INPP4B: variants seen among roughly 807,000 people sequenced by gnomAD.
The protein encoded by INPP4B is inositol polyphosphate-4-phosphatase type II B.
INPP4B carries 55 observed loss-of-function variants against 122.5 expected under a neutral mutation model. That is an observed-to-expected ratio of 0.45 (90% CI 0.36 to 0.56). INPP4B has a LOEUF of 0.56. Ranked by LOEUF, INPP4B falls within the 20% of genes least tolerant of loss-of-function variation. INPP4B has a pLI of 0.00. For synonymous variants in INPP4B, 403 were observed against 388.7 expected (o/e 1.04, Z -0.43); for missense variants, 1,000 against 1,097.7 (o/e 0.91, Z 1.26).
chr4:142,355,974 C>T (rs1033395250), intron 7 of INPP4B, among the ~76,000 whole-genome samples: 1 of 151,180 alleles, frequency 6.6e-6, no homozygotes, highest in African/African-American at 2.4e-5. Context: ...TTTTAAAATG[C>T]CACATACTCC....
rs150990087 is a variant in INPP4B, at chr4:142,247,581, T to C, written c.689-9570A>G. Among the ~76,000 whole-genome samples, 53 of 152,178 alleles carry C rather than the reference T, an allele frequency of 3.5e-4. 2 individuals carry two copies. Among genetic ancestry groups the C allele is most frequent in the African/African-American group, 1.2e-3 (48 of 41,532 alleles). ...TAGATCTTCTAGTTTATTTGCATAG[T>C]GGTATTTACAGTATTCTCTGATGGT... On this transcript the variant is annotated intron_variant, in intron 11 of 25. Coordinates refer to ENST00000262992, the MANE Select transcript of INPP4B (RefSeq NM_001101669.3).
intron 1 of INPP4B, among the ~76,000 whole-genome samples, chr4:142,790,042 A>G (rs1351343609): frequency 6.6e-6 from 1 of 152,166 alleles, no homozygotes; most frequent in Admixed American, 6.6e-5. Flanking sequence ...AGGAGAATGA[A>G]ACTGGATCCT....
At chr4:142,632,113 T>A (rs74756919) in intron 2 of INPP4B, among the ~76,000 whole-genome samples, 2 of 152,164 alleles carry the variant, frequency 1.3e-5, no homozygotes, top group African/African-American at 2.4e-5. Flanking sequence ...AGGTTTGACA[T>A]GTTCTTACAC....
At chr4:142,348,752 T>C (rs1029381268) in intron 7 of INPP4B, among the ~76,000 whole-genome samples, 2 of 152,008 alleles carry the variant, frequency 1.3e-5, no homozygotes, top group African/African-American at 4.8e-5. Flanking sequence ...GAAGAGTCCT[T>C]CCCTCTATAG....
chr4:142,565,342 C>T (rs1580381637), intron 2 of INPP4B, among the ~76,000 whole-genome samples: 1 of 152,094 alleles, frequency 6.6e-6, no homozygotes, highest in Admixed American at 6.6e-5. Context: ...GACAAAGTAG[C>T]CAACTTGATT....
At chr4:142,309,717 C>T (rs1764751830) in intron 8 of INPP4B, among the ~76,000 whole-genome samples, 2 of 152,200 alleles carry the variant, frequency 1.3e-5, no homozygotes, top group South Asian at 4.1e-4. Flanking sequence ...CAGCTCTAGC[C>T]TTTCTTGCCT....
intron 15 of INPP4B, among the ~76,000 whole-genome samples, chr4:142,178,118 C>A (rs755109885): frequency 2.0e-5 from 3 of 152,196 alleles, no homozygotes; most frequent in Non-Finnish European, 4.4e-5. Flanking sequence ...CCGAGATCTG[C>A]TCCCCACTTT....
At chr4:142,631,521 T>C (rs746432257) in intron 2 of INPP4B, among the ~76,000 whole-genome samples, 1 of 152,074 alleles carries the variant, frequency 6.6e-6, no homozygotes, top group Non-Finnish European at 1.5e-5. Context: ...AATTGCATTA[T>C]TGGAAACAAT....
At chr4:142,831,928 GCTA>G (rs997178884) in intron 1 of INPP4B, among the ~76,000 whole-genome samples, 9 of 152,120 alleles carry the variant, frequency 5.9e-5, no homozygotes, top group Non-Finnish European at 1.3e-4. Context: ...ACTGTAAGTA[GCTA>G]TGGTACAAAT....
rs2148579808 is a variant in INPP4B at position 142,363,341 on chromosome 4, A to G, written c.372+39597T>C. On this transcript the variant is annotated intron_variant, in intron 7 of 25. Coordinates refer to ENST00000262992, the MANE Select transcript of INPP4B (RefSeq NM_001101669.3). Reference sequence around the variant, plus strand: ...CACAAAAAGGGGCATATAAACAAATATATATATATATGTGTGTGTGTATAC... The same window carrying G: ...CACAAAAAGGGGCATATAAACAAATGTATATATATATGTGTGTGTGTATAC... Among the ~76,000 whole-genome samples, 3 of 151,590 alleles carry G rather than the reference A, an allele frequency of 2.0e-5. No homozygotes were observed. The Middle Eastern group carries it at 0.01, about 516-fold the overall frequency.
At chr4:142,250,013 T>C (rs557634969) in intron 11 of INPP4B, among the ~76,000 whole-genome samples, 3 of 152,346 alleles carry the variant, frequency 2.0e-5, no homozygotes, top group Non-Finnish European at 2.9e-5. Context: ...AACAACTTAA[T>C]TTTATGAGTT....
intron 1 of INPP4B, among the ~76,000 whole-genome samples, chr4:142,802,409 T>A (rs757920972): frequency 1.3e-5 from 2 of 152,168 alleles, no homozygotes; most frequent in Non-Finnish European, 2.9e-5. Context: ...CATGTTGATA[T>A]TTTGGTGCTA....
At chr4:142,146,746 C>T (rs1202145981) in intron 17 of INPP4B, among the ~76,000 whole-genome samples, 1 of 152,138 alleles carries the variant, frequency 6.6e-6, no homozygotes, top group Non-Finnish European at 1.5e-5. Flanking sequence ...GAAATTTTGA[C>T]AAATTGCTCA....
intron 1 of INPP4B, among the ~76,000 whole-genome samples, chr4:142,762,623 C>T (rs75154529): frequency 0.03 from 4,561 of 152,218 alleles, 84 homozygotes; most frequent in Non-Finnish European, 0.041. Context: ...CATTGCAGTA[C>T]ACTTTTCTAA....
At chr4:142,791,472 C>T (rs1027538794) in intron 1 of INPP4B, among the ~76,000 whole-genome samples, 12 of 151,908 alleles carry the variant, frequency 7.9e-5, no homozygotes, top group Admixed American at 2.0e-4. Flanking sequence ...TGTGTGTAGA[C>T]TGCAGCCAGC....
intron 25 of INPP4B, among the ~76,000 whole-genome samples, chr4:142,043,864 C>G (rs1256574903): frequency 1.3e-5 from 2 of 151,960 alleles, no homozygotes; most frequent in African/African-American, 4.8e-5. Flanking sequence ...TAGGATGGCA[C>G]CTAGCATGAA....
At chr4:142,754,617 A>C (rs761921270) in intron 1 of INPP4B, among the ~76,000 whole-genome samples, 6 of 152,018 alleles carry the variant, frequency 3.9e-5, no homozygotes, top group Non-Finnish European at 5.9e-5. Flanking sequence ...CAAAGTTATT[A>C]TCTCAGGGTA....
intron 2 of INPP4B, among the ~76,000 whole-genome samples, chr4:142,624,564 T>A (rs1442245289): frequency 6.6e-6 from 1 of 151,756 alleles, no homozygotes; most frequent in Non-Finnish European, 1.5e-5. Context: ...AGAAGGAACT[T>A]GTACCATTCC....
chr4:142,500,252 G>A (rs530196511), intron 2 of INPP4B, among the ~76,000 whole-genome samples: 1 of 152,278 alleles, frequency 6.6e-6, no homozygotes, highest in South Asian at 2.1e-4. Context: ...TAAGAAGGCT[G>A]ACTGCTGGGT....
Sources: gnomAD v4.1 joint callset for allele counts (sites outside exome capture counted in the v4.1 genomes callset) on GRCh38, gnomAD v4.1.1 for gene constraint, MANE v1.5 for transcripts, NCBI Gene and HGNC (gene_info 2026-07-23, HGNC 2026-07-21) for gene names.